Variants in GALNT18 observed in about 807,000 individuals in gnomAD.
GALNT18 encodes the protein polypeptide N-acetylgalactosaminyltransferase 18.
In GALNT18, 44 loss-of-function variants were observed where a neutral mutation model predicts 69.5. The observed-to-expected ratio is 0.63, with a 90% confidence interval of 0.50 to 0.81. GALNT18 has a LOEUF of 0.81. Among genes scored for constraint, GALNT18 ranks in the 40% least tolerant of loss-of-function variants. The pLI is 0.00. For missense variants in GALNT18, 715 were observed against 810.0 expected, an observed-to-expected ratio of 0.88 and a Z score of 1.42; for synonymous variants, 364 against 318.2, an observed-to-expected ratio of 1.14 and a Z score of -1.53.
rs1857172226 is a variant in GALNT18, at chr11:11,511,864, C to A, written c.236-62928G>T. ...CACTGGTACCCTGATCTGGGACTTTCAGCCCCCAGAACTATGAAAAATCAA... is the reference window on the plus strand; with the variant it reads ...CACTGGTACCCTGATCTGGGACTTTAAGCCCCCAGAACTATGAAAAATCAA... On this transcript the variant is annotated intron_variant, in intron 1 of 10. Transcript: ENST00000227756. The surrounding 1 kb of genome is among the most constrained non-coding windows in gnomAD (Gnocchi z 4.9). 6.6e-6 allele frequency among the ~76,000 whole-genome samples: 1 copy of A among 152,156 alleles called. No homozygotes were observed. Among genetic ancestry groups the A allele is most frequent in the Non-Finnish European group, 1.5e-5 (1 of 68,030 alleles).
intron 10 of GALNT18, among the ~76,000 whole-genome samples, chr11:11,282,975 G>A (rs1460366548): frequency 6.6e-6 from 1 of 152,112 alleles, no homozygotes; most frequent in Non-Finnish European, 1.5e-5. Context: ...GCAAGTGTAA[G>A]AGGTGGCCAG....
intron 1 of GALNT18, among the ~76,000 whole-genome samples, chr11:11,467,804 C>G (rs185704521): frequency 6.6e-6 from 1 of 152,318 alleles, no homozygotes; most frequent in East Asian, 1.9e-4. Context: ...ATTGTTTTCT[C>G]AACTCTCCAG....
chr11:11,398,650 G>A (rs889243013), intron 3 of GALNT18, among the ~76,000 whole-genome samples: 16 of 152,190 alleles, frequency 1.1e-4, no homozygotes, highest in Admixed American at 9.8e-4. Flanking sequence ...CCCAGCCCAG[G>A]TGACCACATC....
rs897060694 is a variant in GALNT18 at position 11,618,273 on chromosome 11, T to C, written c.235+3086A>G. 6.6e-5 allele frequency among the ~76,000 whole-genome samples: 10 copies of C among 152,204 alleles called. No individual in the cohort carries two copies. Among genetic ancestry groups the C allele is most frequent in the African/African-American group, 2.2e-4 (9 of 41,448 alleles). The stretch of plus-strand genomic sequence containing the variant: ...AAGACTCCAAAGCAAAACACCTTTT[T>C]TGGAGAGTGGTAACACTTTCATTAA... On this transcript the variant is annotated intron_variant, in intron 1 of 10. Transcript: ENST00000227756. The surrounding 1 kb of genome is among the most constrained non-coding windows in gnomAD (Gnocchi z 6.1).
intron 8 of GALNT18, among the ~76,000 whole-genome samples, chr11:11,328,143 T>C (rs1392493085): frequency 1.3e-5 from 2 of 152,174 alleles, no homozygotes; most frequent in Non-Finnish European, 2.9e-5. Context: ...GATATGATGA[T>C]GCACGAGGCA....
Position 11,315,405 on chromosome 11 carries a change from CT to C in GALNT18, c.1512+11680del, listed in dbSNP as rs568514187. ...AGGAGACAGACAGAATAGCACGTTCCTGAGCTCTGGAACACAGGCAAGGATA... is the reference window on the plus strand; with the variant it reads ...AGGAGACAGACAGAATAGCACGTTCCGAGCTCTGGAACACAGGCAAGGATA... On this transcript the variant is annotated intron_variant, in intron 9 of 10. Coordinates refer to ENST00000227756, the MANE Select transcript of GALNT18 (RefSeq NM_198516.3). The surrounding 1 kb of genome is among the most constrained non-coding windows in gnomAD (Gnocchi z 5.6). Among the ~76,000 whole-genome samples the C allele has an allele frequency of 8.7e-4, 132 of 152,260 alleles. 1 individual carries two copies. The highest frequency in any genetic ancestry group is 3.0e-3 in the African/African-American group (125 of 41,560).
intron 3 of GALNT18, among the ~76,000 whole-genome samples, chr11:11,385,164 C>G (rs563227039): frequency 6.6e-6 from 1 of 152,124 alleles, no homozygotes; most frequent in South Asian, 2.1e-4. Context: ...TATCAGCTGT[C>G]ATGGGAACTA....
At chr11:11,502,344 T>C (rs1448666791) in intron 1 of GALNT18, among the ~76,000 whole-genome samples, 2 of 152,210 alleles carry the variant, frequency 1.3e-5, no homozygotes, top group East Asian at 1.9e-4. Context: ...GGGGTATGCC[T>C]AGGCTGAGCA....
In GALNT18 at chr11:11,566,014, G is replaced by A. The variant is rs569872533; in HGVS notation, c.235+55345C>T. Among the ~76,000 whole-genome samples the A allele has an allele frequency of 2.6e-5, 4 of 152,320 alleles. No homozygotes were observed. The South Asian group carries it at 6.2e-4, about 24-fold the overall frequency. On this transcript the variant is annotated intron_variant, in intron 1 of 10. Coordinates refer to ENST00000227756, the MANE Select transcript of GALNT18 (RefSeq NM_198516.3). ...AGCTGGGACCTTACAGGGAATTGAT[G>A]AGAGATATGGATGGAGCATGCAGAA...
intron 2 of GALNT18, among the ~76,000 whole-genome samples, chr11:11,433,400 C>T: frequency 6.6e-6 from 1 of 152,364 alleles, no homozygotes; most frequent in Non-Finnish European, 1.5e-5. Flanking sequence ...TCTCATTTCA[C>T]AGACAGGGAG....
intron 1 of GALNT18, among the ~76,000 whole-genome samples, chr11:11,502,286 C>T (rs1326890466): frequency 6.6e-6 from 1 of 152,232 alleles, no homozygotes; most frequent in African/African-American, 2.4e-5. Context: ...TCCTTCCCTT[C>T]TGTGTACCAT....
intron 9 of GALNT18, among the ~76,000 whole-genome samples, chr11:11,296,328 C>A (rs1487824776): frequency 6.6e-6 from 1 of 152,182 alleles, no homozygotes; most frequent in Non-Finnish European, 1.5e-5. Flanking sequence ...AGAAAGACTG[C>A]CCTGAATATT....
rs1860100640 is a variant in GALNT18 at position 11,618,122 on chromosome 11, C to T, written c.235+3237G>A. The stretch of plus-strand genomic sequence containing the variant: ...ATAAACTTTTCAGTCATGACTAGAA[C>T]AGACCTCTGGGGTGATGCTCCAAAG... On this transcript the variant is annotated intron_variant, in intron 1 of 10. Coordinates refer to ENST00000227756, the MANE Select transcript of GALNT18 (RefSeq NM_198516.3). The surrounding 1 kb of genome is among the most constrained non-coding windows in gnomAD (Gnocchi z 6.1). Among the ~76,000 whole-genome samples, 2 of 152,216 alleles carry T rather than the reference C, an allele frequency of 1.3e-5. No individual in the cohort carries two copies. The highest frequency in any genetic ancestry group is 2.9e-5 in the Non-Finnish European group (2 of 68,036).
intron 2 of GALNT18, among the ~76,000 whole-genome samples, chr11:11,446,780 T>C (rs1855662733): frequency 6.6e-6 from 1 of 152,176 alleles, no homozygotes; most frequent in East Asian, 1.9e-4. Context: ...AATTAGCATA[T>C]TGCTAATCTG....
In GALNT18 at chr11:11,378,905, G is replaced by C. The variant is rs139390719; in HGVS notation, c.779+176C>G. The stretch of plus-strand genomic sequence containing the variant: ...TACCCCCTCCCCTCTACCACACCTC[G>C]AACCCTAAAGGTCCAGCCTTGTTGC... On this transcript the variant is annotated intron_variant, in intron 4 of 10. Coordinates refer to ENST00000227756, the MANE Select transcript of GALNT18 (RefSeq NM_198516.3). Among the ~76,000 whole-genome samples, 668 of 152,180 alleles carry C rather than the reference G, an allele frequency of 4.4e-3. 3 individuals are homozygous for C. Among genetic ancestry groups the C allele is most frequent in the African/African-American group, 0.014 (596 of 41,498 alleles).
chr11:11,514,930 A>C (rs1335799360), intron 1 of GALNT18, among the ~76,000 whole-genome samples: 13 of 152,188 alleles, frequency 8.5e-5, no homozygotes, highest in African/African-American at 2.9e-4. Flanking sequence ...ACCGAAACCA[A>C]GAGACAATTT....
chr11:11,397,429 G>A (rs1236255835), intron 3 of GALNT18, among the ~76,000 whole-genome samples: 1 of 152,132 alleles, frequency 6.6e-6, no homozygotes, highest in Non-Finnish European at 1.5e-5. Flanking sequence ...AAGAAAAAGG[G>A]AGGAAACCCA....
intron 6 of GALNT18, among the ~76,000 whole-genome samples, chr11:11,350,202 G>T (rs181080461): frequency 6.6e-6 from 1 of 152,314 alleles, no homozygotes; most frequent in Admixed American, 6.5e-5. Flanking sequence ...GAAACCCAGG[G>T]TCAAGTTAGA....
intron 10 of GALNT18, among the ~76,000 whole-genome samples, chr11:11,276,274 A>G (rs1049334967): frequency 1.2e-4 from 18 of 151,932 alleles, no homozygotes; most frequent in Non-Finnish European, 1.8e-4. Flanking sequence ...ATTCCTAGGT[A>G]TTTTATTCTC....
Sources: allele counts gnomAD v4.1 joint callset (sites outside exome capture counted in the v4.1 genomes callset), GRCh38; gene constraint gnomAD v4.1.1; non-coding constraint Gnocchi (gnomAD v3.1); transcripts MANE v1.5; gene names NCBI Gene and HGNC (gene_info 2026-07-23, HGNC 2026-07-21).